Variants in PRKG1 observed in about 807,000 individuals in gnomAD.
PRKG1 encodes protein kinase cGMP-dependent 1.
Under a neutral mutation model 88.1 loss-of-function variants are expected in PRKG1, and 35 were observed. The observed-to-expected ratio is 0.40, with a 90% CI of 0.30 to 0.53. PRKG1 has a LOEUF of 0.53. Among genes scored for constraint, PRKG1 ranks in the 20% least tolerant of loss-of-function variants. The probability of loss-of-function intolerance (pLI) is 0.59; values close to 1 mark genes in which losing one functional copy is unlikely to be tolerated. For synonymous variants in PRKG1, 303 were observed against 292.5 expected (o/e 1.04, Z -0.37); for missense variants, 540 against 839.8 (o/e 0.64, Z 4.41).
At chr10:51,051,579 C>T (rs557141587) in intron 1 of PRKG1, among the ~76,000 whole-genome samples, 18 of 152,218 alleles carry the variant, frequency 1.2e-4, no homozygotes, top group South Asian at 4.1e-4. Context: ...AATTCCTACA[C>T]GATCCCAGGA....
intron 3 of PRKG1, among the ~76,000 whole-genome samples, chr10:51,564,344 T>A (rs1489656346): frequency 6.6e-6 from 1 of 152,078 alleles, no homozygotes; most frequent in African/African-American, 2.4e-5. Flanking sequence ...TGGTAAATGC[T>A]ATAGAGAGAA....
At position 51,898,360 on chromosome 10, in the gene PRKG1, A is replaced by G. The variant is rs573387099; in HGVS notation, c.699-9147A>G. ...GATGTATATTTAAAATATGTATAAT[A>G]TACATTACTTATTATATTTATTCTT... On this transcript the variant is annotated intron_variant, in intron 4 of 17. Transcript: ENST00000373980. Among the ~76,000 whole-genome samples the G allele has an allele frequency of 5.3e-5, 8 of 152,156 alleles. No individual in the cohort carries two copies. The East Asian group carries it at 1.3e-3, about 26-fold the overall frequency.
intron 2 of PRKG1, chr10:51,320,316 C>A: frequency 5.9e-6 from 1 of 169,502 alleles, no homozygotes. Flanking sequence ...AGATACCCAG[C>A]TTTAGGGATA....
chr10:51,845,732 T>C (rs1409112817), intron 4 of PRKG1, among the ~76,000 whole-genome samples: 2 of 152,146 alleles, frequency 1.3e-5, no homozygotes, highest in African/African-American at 4.8e-5. Context: ...ATAATAAGAT[T>C]AATTCTCTAC....
chr10:51,185,563 A>C (rs900684369), intron 2 of PRKG1, among the ~76,000 whole-genome samples: 2 of 152,070 alleles, frequency 1.3e-5, no homozygotes, highest in Admixed American at 1.3e-4. Context: ...TCCATGTAGA[A>C]AGTCACTATT....
intron 5 of PRKG1, among the ~76,000 whole-genome samples, chr10:52,035,614 G>A (rs939155023): frequency 6.6e-6 from 1 of 152,188 alleles, no homozygotes; most frequent in Non-Finnish European, 1.5e-5. Context: ...TGGGGGTCAG[G>A]TGTGGTATCA....
chr10:51,285,807 G>A (rs1840424817), intron 2 of PRKG1, among the ~76,000 whole-genome samples: 1 of 152,160 alleles, frequency 6.6e-6, no homozygotes, highest in South Asian at 2.1e-4. Context: ...GAGTTCTGAA[G>A]CCGTCCCCCG....
intron 3 of PRKG1, among the ~76,000 whole-genome samples, chr10:51,687,888 G>T (rs1387246882): frequency 6.6e-6 from 1 of 152,130 alleles, no homozygotes; most frequent in Admixed American, 6.5e-5. Flanking sequence ...GCTGTCTTAG[G>T]TTTCCCAGTA....
At chr10:51,161,617 T>A (rs904147961) in intron 2 of PRKG1, among the ~76,000 whole-genome samples, 8 of 152,170 alleles carry the variant, frequency 5.3e-5, no homozygotes, top group Admixed American at 2.0e-4. Flanking sequence ...TGCCATCTTT[T>A]TTTTCAAAAA....
chr10:51,471,740 C>T (rs1274840907), intron 3 of PRKG1, among the ~76,000 whole-genome samples: 3 of 151,874 alleles, frequency 2.0e-5, no homozygotes, highest in Admixed American at 6.6e-5. Flanking sequence ...TGAGTTTCAG[C>T]TCTCAGTGCC....
chr10:51,429,789 C>A (rs1588949923), intron 2 of PRKG1, among the ~76,000 whole-genome samples: 1 of 145,956 alleles, frequency 6.9e-6, no homozygotes. Context: ...AGAAGAAAAG[C>A]ATAGAAGAAA....
chr10:51,597,408 A>G (rs1325903856), intron 3 of PRKG1, among the ~76,000 whole-genome samples: 1 of 152,188 alleles, frequency 6.6e-6, no homozygotes. Flanking sequence ...TCAATAACCC[A>G]TTTATTTAAG....
At chr10:52,229,046 GC>G (rs1341986457) in intron 9 of PRKG1, among the ~76,000 whole-genome samples, 9 of 152,132 alleles carry the variant, frequency 5.9e-5, no homozygotes, top group African/African-American at 1.9e-4. Flanking sequence ...TTGCAAATAT[GC>G]TTTGATGGAG....
At chr10:52,130,155 GT>G (rs984858079) in intron 7 of PRKG1, among the ~76,000 whole-genome samples, 4 of 152,086 alleles carry the variant, frequency 2.6e-5, no homozygotes, top group African/African-American at 7.2e-5. Context: ...TAATATGTTG[GT>G]TTTTCCCCCC....
intron 2 of PRKG1, among the ~76,000 whole-genome samples, chr10:51,421,373 C>A (rs1194823502): frequency 6.6e-6 from 1 of 152,036 alleles, no homozygotes; most frequent in African/African-American, 2.4e-5. Context: ...GAGATGTTAT[C>A]TTGCTATGTT....
intron 2 of PRKG1, among the ~76,000 whole-genome samples, chr10:51,447,094 G>A (rs1424498631): frequency 6.6e-6 from 1 of 151,984 alleles, no homozygotes; most frequent in East Asian, 1.9e-4. Flanking sequence ...CGCCAATTGA[G>A]TCTGTCACAT....
At chr10:51,684,809 G>A (rs1840944399) in intron 3 of PRKG1, among the ~76,000 whole-genome samples, 1 of 152,160 alleles carries the variant, frequency 6.6e-6, no homozygotes, top group Non-Finnish European at 1.5e-5. Context: ...TTAGGATGCA[G>A]TGAGCCAAGA....
chr10:51,778,811 A>G (rs1390179160), intron 3 of PRKG1, among the ~76,000 whole-genome samples: 1 of 152,144 alleles, frequency 6.6e-6, no homozygotes, highest in East Asian at 1.9e-4. Flanking sequence ...TGTTCTTGGG[A>G]TAGTGATGAC....
At chr10:51,932,583 G>A (rs1030632901) in intron 5 of PRKG1, among the ~76,000 whole-genome samples, 7 of 152,098 alleles carry the variant, frequency 4.6e-5, no homozygotes, top group African/African-American at 1.7e-4. Context: ...CCTCTAAGTG[G>A]ACAGATGGAG....
Sources: allele counts gnomAD v4.1 joint callset (sites outside exome capture counted in the v4.1 genomes callset), GRCh38; gene constraint gnomAD v4.1.1; transcripts MANE v1.5; gene names NCBI Gene and HGNC (gene_info 2026-07-23, HGNC 2026-07-21).